Variants in WDR19 observed in about 807,000 individuals in gnomAD.
WDR19 encodes WD repeat domain 19, also known as WD repeat-containing protein 19.
In WDR19, 121 loss-of-function variants were observed where a neutral mutation model predicts 180.0. The observed-to-expected ratio is 0.67, with a 90% CI of 0.58 to 0.78. WDR19 has a LOEUF of 0.78. WDR19 is among the 30% of genes least tolerant of loss of function. The pLI is 0.00. For missense variants in WDR19, 1,450 were observed against 1,640.7 expected (o/e 0.88, Z 2.01); for synonymous variants, 497 against 540.7 (o/e 0.92, Z 1.12).
intron 9 of WDR19, among the ~76,000 whole-genome samples, chr4:39,207,912 G>A (rs1053818198): frequency 4.6e-5 from 7 of 152,116 alleles, no homozygotes; most frequent in African/African-American, 1.4e-4. Context: ...ATATTGCTCA[G>A]TAGGGTGTTT....
At chr4:39,240,229 TA>T in intron 20 of WDR19, 47 bp from the exon 21 acceptor site, 1 of 645,194 alleles carries the variant, frequency 1.5e-6, no homozygotes, top group Non-Finnish European at 2.2e-6. Flanking sequence ...AATAAAATTC[TA>T]AAATATATAT....
chr4:39,196,004 G>T (rs1024635817), intron 5 of WDR19, among the ~76,000 whole-genome samples: 14 of 152,090 alleles, frequency 9.2e-5, no homozygotes, highest in Non-Finnish European at 1.3e-4. Context: ...AAGCAAAAGG[G>T]CTTTGAGGTA....
chr4:39,242,056 T>C (rs1232406491), intron 21 of WDR19, among the ~76,000 whole-genome samples: 2 of 151,136 alleles, frequency 1.3e-5, no homozygotes, highest in East Asian at 1.9e-4. Flanking sequence ...AGTCAATACA[T>C]ATGAATCTGT....
At chr4:39,223,805 C>T (rs939028716) in intron 14 of WDR19, among the ~76,000 whole-genome samples, 2 of 152,184 alleles carry the variant, frequency 1.3e-5, no homozygotes, top group African/African-American at 4.8e-5. Flanking sequence ...TAATTTCCCA[C>T]TTTATTTTCT....
At chr4:39,189,851 A>G (rs896037431) in intron 4 of WDR19, 70 bp downstream of exon 4, 20 of 1,462,708 alleles carry the variant, frequency 1.4e-5, no homozygotes, top group South Asian at 4.2e-5. Flanking sequence ...GGTGCTAACA[A>G]TTCTTTACTA....
At chr4:39,197,973 G>A (rs1417422013) in intron 5 of WDR19, among the ~76,000 whole-genome samples, 1 of 151,982 alleles carries the variant, frequency 6.6e-6, no homozygotes, top group African/African-American at 2.4e-5. Context: ...CGAGTAGCTG[G>A]GACTACAGGT....
intron 14 of WDR19, chr4:39,218,628 A>G (rs768194214): frequency 1.3e-5 from 2 of 152,422 alleles, no homozygotes; most frequent in Non-Finnish European, 2.9e-5. Context: ...ATTACTGTAC[A>G]CTACCATAGA....
chr4:39,263,647 G>A (rs981796767), intron 28 of WDR19, among the ~76,000 whole-genome samples: 15 of 152,252 alleles, frequency 9.9e-5, no homozygotes, highest in Middle Eastern at 3.4e-3. Context: ...AGGGACAGCC[G>A]GGCATGGTGG....
chr4:39,225,498 G>A (rs753005713), intron 15 of WDR19, among the ~76,000 whole-genome samples: 1 of 152,132 alleles, frequency 6.6e-6, no homozygotes, highest in Non-Finnish European at 1.5e-5. Context: ...TTAAAAATCA[G>A]TCACTCATAT....
chr4:39,259,804 A>G (rs1488253516), intron 28 of WDR19, among the ~76,000 whole-genome samples: 6 of 152,206 alleles, frequency 3.9e-5, no homozygotes, highest in Non-Finnish European at 8.8e-5. Context: ...AAACTGTCCA[A>G]CTGTTTCCTG....
chr4:39,230,596 A>T (rs1730739048), intron 17 of WDR19, among the ~76,000 whole-genome samples: 1 of 152,200 alleles, frequency 6.6e-6, no homozygotes. Flanking sequence ...TAGCACAAAG[A>T]GTTACCTATT....
Position 39,217,932 on chromosome 4 carries a change from G to A in WDR19, c.1357-51G>A. The A allele has an allele frequency of 1.9e-6, 3 of 1,603,132 alleles. No individual in the cohort carries two copies. In the African/African-American group the frequency reaches 4.0e-5, roughly 21 times the overall value. On this transcript the variant is annotated intron_variant, in intron 13 of 36. Transcript: ENST00000399820. ...AAAAGACACCCCTAGATGTTGTATA[G>A]ATGGTTTACTCAAATAAATCTGTGA...
chr4:39,247,576 G>A (rs1454651509), intron 24 of WDR19, among the ~76,000 whole-genome samples: 4 of 151,992 alleles, frequency 2.6e-5, no homozygotes, highest in East Asian at 1.9e-4. Flanking sequence ...GAGGAAGTTC[G>A]AACCAATGGC....
At chr4:39,216,454 G>C (rs1729080271) in intron 12 of WDR19, among the ~76,000 whole-genome samples, 1 of 152,218 alleles carries the variant, frequency 6.6e-6, no homozygotes. Context: ...CAGAATTAGA[G>C]AGGCCCTGGA....
chr4:39,265,943 TTACTATAGA>T (rs1734746031), intron 28 of WDR19, 111 bp from the exon 29 acceptor site: 2 of 810,336 alleles, frequency 2.5e-6, no homozygotes, highest in South Asian at 1.6e-5. Context: ...TTCAGGCACT[TTACTATAGA>T]TACTATTAAT....
chr4:39,193,093 A>G (rs1302640153), intron 4 of WDR19, among the ~76,000 whole-genome samples: 1 of 152,212 alleles, frequency 6.6e-6, no homozygotes, highest in East Asian at 1.9e-4. Context: ...TAAAATAGAT[A>G]CTTAATAGAA....
intron 26 of WDR19, among the ~76,000 whole-genome samples, chr4:39,254,443 A>G (rs986445286): frequency 6.6e-6 from 1 of 152,194 alleles, no homozygotes; most frequent in African/African-American, 2.4e-5. Flanking sequence ...GTGAACAGTG[A>G]TATACACAAG....
intron 14 of WDR19, among the ~76,000 whole-genome samples, chr4:39,223,430 A>G (rs561202162): frequency 1.3e-5 from 2 of 152,322 alleles, no homozygotes; most frequent in East Asian, 3.9e-4. Flanking sequence ...TCCTGGGTTC[A>G]AGAGGTTCTT....
chr4:39,262,212 C>T (rs1249125967), intron 28 of WDR19, among the ~76,000 whole-genome samples: 1 of 152,150 alleles, frequency 6.6e-6, no homozygotes, highest in South Asian at 2.1e-4. Flanking sequence ...TTACCTCTTA[C>T]ACTCCTCTTA....
Sources: gnomAD v4.1 joint callset for allele counts (sites outside exome capture counted in the v4.1 genomes callset) on GRCh38, gnomAD v4.1.1 for gene constraint, MANE v1.5 for transcripts, NCBI Gene and HGNC (gene_info 2026-07-23, HGNC 2026-07-21) for gene names.